Variants in PRMT5 observed in about 807,000 individuals in gnomAD.
PRMT5 encodes the protein protein arginine N-methyltransferase 5.
PRMT5 carries 15 observed loss-of-function variants against 84.0 expected under a neutral mutation model. The observed-to-expected ratio is 0.18, with a 90% CI of 0.12 to 0.28. The LOEUF (loss-of-function observed/expected upper bound fraction) is 0.28. Among genes scored for constraint, PRMT5 ranks in the 10% least tolerant of loss-of-function variants. The pLI, the probability that PRMT5 is intolerant of heterozygous loss-of-function variation, is 1.00. For missense variants in PRMT5, 486 were observed against 808.0 expected (o/e 0.60, Z 4.83); for synonymous variants, 276 against 292.4 (o/e 0.94, Z 0.57).
In PRMT5 at chr14:22,926,126, C is replaced by T. The variant is rs775834492; in HGVS notation, c.777+7G>A. Reference sequence around the variant, plus strand: ...TGGACTACCTTTAGAACCCTCCTACCACTCACCTTGAGGAGCCGGAAGATG... The same window carrying T: ...TGGACTACCTTTAGAACCCTCCTACTACTCACCTTGAGGAGCCGGAAGATG... On this transcript the variant is annotated splice_region_variant and intron_variant, in intron 7 of 16. Coordinates refer to ENST00000324366, the MANE Select transcript of PRMT5 (RefSeq NM_006109.5). 5 of 1,602,892 alleles carry T rather than the reference C, an allele frequency of 3.1e-6. No homozygotes were observed. Among genetic ancestry groups the T allele is most frequent in the Non-Finnish European group, 4.3e-6 (5 of 1,170,000 alleles).
chr14:22,923,220 C>T lies in PRMT5; in HGVS notation c.1376-60G>A, dbSNP rs1195501657. On this transcript the variant is annotated intron_variant, in intron 12 of 16. Coordinates refer to ENST00000324366, the MANE Select transcript of PRMT5 (RefSeq NM_006109.5). This position sits in a 1 kb window ranked among gnomAD's most constrained non-coding sequence, Gnocchi z 5.2. ...GAGGGAAATGGTATGTCTGTACTAA[C>T]TGAAGGATCAGAAGGATCAAACCTC... 7.6e-7 allele frequency: 1 copy of T among 1,309,106 alleles called. No homozygotes were observed. The highest frequency in any genetic ancestry group is 1.1e-6 in the Non-Finnish European group (1 of 942,884). 81.1% of individuals were successfully genotyped at this position (1,309,106 alleles called of 1,614,324 possible).
chr14:22,921,978 G>A (rs540677155), intron 16 of PRMT5, among the ~76,000 whole-genome samples, 198 bp downstream of exon 16: 15 of 151,640 alleles, frequency 9.9e-5, no homozygotes, highest in African/African-American at 3.6e-4. Context: ...ACAGACAGAA[G>A]AGTAGCCAGA....
At chr14:22,927,410 T>A in intron 4 of PRMT5, 116 bp downstream of exon 4, 1 of 1,434,284 alleles carries the variant, frequency 7.0e-7, no homozygotes, top group East Asian at 2.3e-5. Context: ...TGCCCGCCAA[T>A]ACTGATACTT....
At chr14:22,922,877 C>A in intron 13 of PRMT5, 42 bp from the exon 14 acceptor site, 2 of 1,576,878 alleles carry the variant, frequency 1.3e-6, no homozygotes, top group South Asian at 2.2e-5. Context: ...GGGGAAGACA[C>A]ACAAGAGAGA....
At chr14:22,926,447 A>T in intron 6 of PRMT5, 59 bp downstream of exon 6, 1 of 1,601,276 alleles carries the variant, frequency 6.2e-7, no homozygotes, top group East Asian at 2.2e-5. Context: ...GAAATTCCTG[A>T]TTCTTATTCA....
chr14:22,924,910 C>T lies in PRMT5; in HGVS notation c.908G>A (p.Gly303Asp). 1 of 1,614,162 alleles carries T rather than the reference C, an allele frequency of 6.2e-7. No homozygotes were observed. Among genetic ancestry groups the T allele is most frequent in the Non-Finnish European group, 8.5e-7 (1 of 1,180,026 alleles). ...CGGGGACTGCAGATAGTCTTCATAG[C>T]CCTTGGCAAAGAGTTCATAGGCATT... is the stretch of plus-strand genomic sequence containing the variant. The part of the protein sequence containing the change: ...PPNAYELFAK[G>D]YEDYLQSPLQ... Residue 303 changes from glycine (G) to aspartate (D), a missense_variant, in exon 8 of 17, where the codon GGC becomes GAC. Gly to Asp is a moderately conservative substitution (Grantham distance 94). This residue lies in a region of PRMT5 where 219 missense variants were observed against 433.6 expected (regional missense o/e 0.51). Transcript: ENST00000324366. The surrounding 1 kb of genome is among the most constrained non-coding windows in gnomAD (Gnocchi z 6.5).
chr14:22,921,865 G>C (rs911121840), intron 16 of PRMT5, among the ~76,000 whole-genome samples: 3 of 136,400 alleles, frequency 2.2e-5, no homozygotes, highest in African/African-American at 8.0e-5. Flanking sequence ...CTGGGCGACA[G>C]AGTGAGACTC....
chr14:22,928,354 G>T lies in PRMT5; in HGVS notation c.229+143C>A. The T allele has an allele frequency of 8.9e-7, 1 of 1,122,634 alleles. No individual in the cohort carries two copies. 69.5% of individuals were successfully genotyped at this position (1,122,634 alleles called of 1,614,324 possible). On this transcript the variant is annotated intron_variant, in intron 2 of 16. Coordinates refer to ENST00000324366, the MANE Select transcript of PRMT5 (RefSeq NM_006109.5). The surrounding 1 kb of genome is among the most constrained non-coding windows in gnomAD (Gnocchi z 4.8). The stretch of plus-strand genomic sequence containing the variant: ...ACATGGGATAGCCTGATGCAGAATA[G>T]AGAAGCAAGGAGAAAACAAGTTATC...
chr14:22,926,068 T>C, intron 7 of PRMT5, 65 bp downstream of exon 7: 1 of 1,462,868 alleles, frequency 6.8e-7, no homozygotes, highest in South Asian at 1.3e-5. Context: ...GAAAAAACGA[T>C]CATACACAGG....
intron 16 of PRMT5, 143 bp from the exon 17 acceptor site, chr14:22,921,199 C>T: frequency 3.9e-6 from 4 of 1,015,570 alleles, no homozygotes; most frequent in Non-Finnish European, 5.8e-6. Context: ...TATCAGAACA[C>T]AAATAATCAA....
At chr14:22,926,360 G>C in intron 6 of PRMT5, 64 bp from the exon 7 acceptor site, 1 of 1,600,840 alleles carries the variant, frequency 6.2e-7, no homozygotes, top group Non-Finnish European at 8.5e-7. Flanking sequence ...TTGCTCCTTT[G>C]CGCAAAATCT....
In PRMT5 at chr14:22,924,812, G is replaced by A. The variant is rs1283416480; in HGVS notation, c.939+67C>T. 1.3e-6 allele frequency: 2 copies of A among 1,595,398 alleles called. No homozygotes were observed. Among genetic ancestry groups the A allele is most frequent in the East Asian group, 2.2e-5 (1 of 44,638 alleles). ...TGCTTTCTGAGTTTTAGTAAGATTTGGAGGCATATATTCTCAAGAAACATT... is the reference window on the plus strand; with the variant it reads ...TGCTTTCTGAGTTTTAGTAAGATTTAGAGGCATATATTCTCAAGAAACATT... On this transcript the variant is annotated intron_variant, in intron 8 of 16. Coordinates refer to ENST00000324366, the MANE Select transcript of PRMT5 (RefSeq NM_006109.5). This position sits in a 1 kb window ranked among gnomAD's most constrained non-coding sequence, Gnocchi z 6.5.
In PRMT5 at chr14:22,922,259, GA is replaced by G; in HGVS notation, c.1697-20del. 4 of 1,573,762 alleles carry G rather than the reference GA, an allele frequency of 2.5e-6. No individual in the cohort carries two copies. Among genetic ancestry groups the G allele is most frequent in the Non-Finnish European group, 3.5e-6 (4 of 1,143,748 alleles). The stretch of plus-strand genomic sequence containing the variant: ...CGGATACCTGTGTGGACAAAATAAT[GA>G]AAAAACAGAGGTCTCCATGGCTGTG... On this transcript the variant is annotated intron_variant, in intron 15 of 16. Transcript: ENST00000324366.
Position 22,928,948 on chromosome 14 carries a change from A to C in PRMT5, c.110+304T>G. Reference sequence around the variant, plus strand: ...TGCCCATGCCTCCCCCGTCAAAATTAGCCTCTTCTCTCCCTTGCCCCCTAA... The same window carrying C: ...TGCCCATGCCTCCCCCGTCAAAATTCGCCTCTTCTCTCCCTTGCCCCCTAA... On this transcript the variant is annotated intron_variant, in intron 1 of 16. Transcript: ENST00000324366. The surrounding 1 kb of genome is among the most constrained non-coding windows in gnomAD (Gnocchi z 4.8). 8.2e-6 allele frequency: 5 copies of C among 610,174 alleles called. No individual in the cohort carries two copies. The highest frequency in any genetic ancestry group is 1.1e-5 in the Non-Finnish European group (4 of 349,940). 37.8% of individuals were successfully genotyped at this position (610,174 alleles called of 1,614,324 possible).
intron 7 of PRMT5, 109 bp from the exon 8 acceptor site, chr14:22,925,149 C>A: frequency 9.2e-6 from 10 of 1,086,796 alleles, no homozygotes; most frequent in Non-Finnish European, 1.2e-5. Flanking sequence ...ATCAACAGTT[C>A]TCTTTTTTTT....
At chr14:22,925,067 A>G (rs1267508759) in intron 7 of PRMT5, 27 bp from the exon 8 acceptor site, 2 of 1,610,318 alleles carry the variant, frequency 1.2e-6, no homozygotes, top group African/African-American at 2.7e-5. Context: ...ACCATCAGAC[A>G]CAGCCCTCAA....
In PRMT5 at chr14:22,926,010, C is replaced by T; in HGVS notation, c.777+123G>A. ...TTTTTGTTCTCAAGATTCCCAACTT[C>T]ACTGAAATTGCTCCCCAGAAACCAA... On this transcript the variant is annotated intron_variant, in intron 7 of 16. Coordinates refer to ENST00000324366, the MANE Select transcript of PRMT5 (RefSeq NM_006109.5). The T allele has an allele frequency of 2.8e-6, 3 of 1,086,610 alleles. 1 individual carries two copies. The South Asian group carries it at 5.1e-5, about 19-fold the overall frequency. 67.3% of individuals were successfully genotyped at this position (1,086,610 alleles called of 1,614,324 possible).
Position 22,923,198 on chromosome 14 carries a change from G to A in PRMT5, c.1376-38C>T, listed in dbSNP as rs1206847405. The A allele has an allele frequency of 2.0e-6, 3 of 1,480,332 alleles. No individual in the cohort carries two copies. Among genetic ancestry groups the A allele is most frequent in the Non-Finnish European group, 1.9e-6 (2 of 1,075,480 alleles). The allele number at this position is 1,480,332 out of a possible 1,614,324, so 91.7% of individuals were successfully genotyped here. A position where few individuals can be genotyped will look rare whatever the true frequency, so the allele number is the denominator to read the frequency against. On this transcript the variant is annotated intron_variant, in intron 12 of 16. Transcript: ENST00000324366. This position sits in a 1 kb window ranked among gnomAD's most constrained non-coding sequence, Gnocchi z 5.2. ...AGAGTCAAATTAGTTCCAGAGGGAG[G>A]GAAATGGTATGTCTGTACTAACTGA...
Position 22,922,179 on chromosome 14 carries a change from A to T in PRMT5, c.1758T>A (p.Ile586=). Reference sequence around the variant, plus strand: ...GAGTCTTAAAAGCAGTTCCTACCTTAATAGGGAAGAGGATGGGAAACCATG... The same window carrying T: ...GAGTCTTAAAAGCAGTTCCTACCTTTATAGGGAAGAGGATGGGAAACCATG... ...MFSWFPILFP[I]KQPITVREGQ... is the part of the protein sequence containing the mutation. The change falls in exon 16 of 17, where the codon ATT becomes ATA. Residue 586 remains isoleucine, a synonymous_variant. Coordinates refer to ENST00000324366, the MANE Select transcript of PRMT5 (RefSeq NM_006109.5). 6.4e-7 allele frequency: 1 copy of T among 1,573,468 alleles called. No individual in the cohort carries two copies. Among genetic ancestry groups the T allele is most frequent in the Non-Finnish European group, 8.7e-7 (1 of 1,143,016 alleles).
Sources: allele counts gnomAD v4.1 joint callset (sites outside exome capture counted in the v4.1 genomes callset), GRCh38; gene constraint gnomAD v4.1.1; regional missense constraint gnomAD v4.1.1; non-coding constraint Gnocchi (gnomAD v3.1); transcripts MANE v1.5; gene names NCBI Gene and HGNC (gene_info 2026-07-23, HGNC 2026-07-21).